GRID2: variants seen among roughly 807,000 people sequenced by gnomAD.
GRID2 encodes glutamate ionotropic receptor delta type subunit 2.
A neutral mutation model predicts 114.8 loss-of-function variants in GRID2; 33 were observed. The ratio of observed to expected loss-of-function variants is 0.29; its 90% CI spans 0.22 to 0.38. GRID2 has a LOEUF of 0.38. Ranked by LOEUF, GRID2 falls within the 10% of genes least tolerant of loss-of-function variation. The probability of loss-of-function intolerance (pLI) is 1.00; values close to 1 mark genes in which losing one functional copy is unlikely to be tolerated. For missense variants in GRID2, 1,184 were observed against 1,257.7 expected (o/e 0.94, Z 0.89); for synonymous variants, 505 against 449.9 (o/e 1.12, Z -1.55).
chr4:92,844,395 C>G (rs565735428), intron 2 of GRID2, among the ~76,000 whole-genome samples: 1 of 151,942 alleles, frequency 6.6e-6, no homozygotes, highest in South Asian at 2.1e-4. Context: ...AAAAAATTAG[C>G]CAAGCGTGGT....
chr4:92,536,780 G>A (rs1725657395), intron 1 of GRID2, among the ~76,000 whole-genome samples: 1 of 151,988 alleles, frequency 6.6e-6, no homozygotes, highest in Non-Finnish European at 1.5e-5. Flanking sequence ...GAAATGGATG[G>A]CAATAAATGC....
At chr4:92,847,613 T>C (rs1417489877) in intron 2 of GRID2, among the ~76,000 whole-genome samples, 1 of 152,060 alleles carries the variant, frequency 6.6e-6, no homozygotes, top group Non-Finnish European at 1.5e-5. Context: ...GTAATTTTAA[T>C]ATAGCTTTAT....
At chr4:92,675,551 AT>A (rs576488084) in intron 2 of GRID2, among the ~76,000 whole-genome samples, 171 of 132,966 alleles carry the variant, frequency 1.3e-3, no homozygotes, top group Middle Eastern at 7.9e-3. Flanking sequence ...TTGGGCTACA[AT>A]TTTTTTTTTT....
At chr4:93,717,824 G>A (rs1033389870) in intron 14 of GRID2, among the ~76,000 whole-genome samples, 6 of 152,264 alleles carry the variant, frequency 3.9e-5, no homozygotes, top group African/African-American at 1.4e-4. Context: ...CAGTTGAAGG[G>A]TTAAAACAAG....
chr4:93,267,381 G>A (rs542822192), intron 8 of GRID2, among the ~76,000 whole-genome samples: 6 of 152,122 alleles, frequency 3.9e-5, no homozygotes, highest in Admixed American at 6.5e-5. Context: ...GACAGTCCTC[G>A]GGCCTCTGGA....
chr4:93,541,724 C>T (rs1263067607), intron 13 of GRID2, among the ~76,000 whole-genome samples: 1 of 152,136 alleles, frequency 6.6e-6, no homozygotes, highest in Non-Finnish European at 1.5e-5. Context: ...TTGCTCTATA[C>T]AATGTGACAC....
chr4:92,832,703 CTT>C (rs374528127), intron 2 of GRID2, among the ~76,000 whole-genome samples: 1 of 152,186 alleles, frequency 6.6e-6, no homozygotes, highest in African/African-American at 2.4e-5. Flanking sequence ...CAGAGAATCT[CTT>C]GAACCCAGGA....
At chr4:92,910,268 T>A (rs989831410) in intron 2 of GRID2, among the ~76,000 whole-genome samples, 1 of 152,058 alleles carries the variant, frequency 6.6e-6, no homozygotes, top group South Asian at 2.1e-4. Context: ...GGGAAGATTT[T>A]ACAATTACAG....
At chr4:92,446,070 G>A (rs1430348092) in intron 1 of GRID2, among the ~76,000 whole-genome samples, 1 of 151,958 alleles carries the variant, frequency 6.6e-6, no homozygotes, top group Non-Finnish European at 1.5e-5. Flanking sequence ...CTCAAGCTCT[G>A]GAGTAGCTGG....
intron 1 of GRID2, among the ~76,000 whole-genome samples, chr4:92,346,979 T>C (rs1727798962): frequency 6.6e-6 from 1 of 152,208 alleles, no homozygotes; most frequent in Non-Finnish European, 1.5e-5. Flanking sequence ...AGGCTGAATG[T>C]TTCACATTTT....
chr4:93,123,985 T>C (rs552837063), intron 4 of GRID2, among the ~76,000 whole-genome samples: 110 of 148,368 alleles, frequency 7.4e-4, no homozygotes, highest in African/African-American at 2.3e-3. Flanking sequence ...AGGGATAGCA[T>C]TGGGAGATAT....
intron 14 of GRID2, among the ~76,000 whole-genome samples, chr4:93,747,493 A>G (rs1464459329): frequency 6.6e-6 from 1 of 152,118 alleles, no homozygotes. Flanking sequence ...CTCTAGCACC[A>G]TTTCAGTGCC....
intron 4 of GRID2, among the ~76,000 whole-genome samples, chr4:93,139,744 A>ACG (rs1735587054): frequency 6.6e-6 from 1 of 151,778 alleles, no homozygotes; most frequent in African/African-American, 2.4e-5. Context: ...AAACACACAC[A>ACG]CACACACACA....
intron 11 of GRID2, among the ~76,000 whole-genome samples, chr4:93,471,900 A>G (rs965434272): frequency 6.7e-6 from 1 of 149,014 alleles, no homozygotes; most frequent in Non-Finnish European, 1.5e-5. Flanking sequence ...GGGTTTCCCC[A>G]TGTTGGTCAG....
rs543518452 is a variant in GRID2 at position 92,609,672 on chromosome 4, C to T, written c.244+19386C>T. Reference sequence around the variant, plus strand: ...GATCACTATAATTTTTCTTTCTTCTCGTGACCACATTAGTACCTTATTTCC... The same window carrying T: ...GATCACTATAATTTTTCTTTCTTCTTGTGACCACATTAGTACCTTATTTCC... On this transcript the variant is annotated intron_variant, in intron 2 of 15. Transcript: ENST00000282020. 4.0e-5 allele frequency among the ~76,000 whole-genome samples: 6 copies of T among 151,012 alleles called. 1 individual carries two copies. In the South Asian group the frequency reaches 6.3e-4, roughly 16 times the overall value.
intron 4 of GRID2, among the ~76,000 whole-genome samples, chr4:93,180,200 A>T (rs11936792): frequency 0.074 from 11,285 of 151,952 alleles, 451 homozygotes; most frequent in East Asian, 0.14. Context: ...TATTTTGGAG[A>T]CATCACACGA....
intron 2 of GRID2, among the ~76,000 whole-genome samples, chr4:92,868,863 T>C (rs1299489898): frequency 6.6e-6 from 1 of 152,164 alleles, no homozygotes; most frequent in Non-Finnish European, 1.5e-5. Context: ...CAGAATATGT[T>C]TCTATTTATA....
chr4:93,748,106 A>G (rs1445254967), intron 14 of GRID2, among the ~76,000 whole-genome samples: 1 of 152,166 alleles, frequency 6.6e-6, no homozygotes, highest in African/African-American at 2.4e-5. Flanking sequence ...AGCATAGTTT[A>G]TATACTATCA....
chr4:92,774,138 C>A (rs992781327), intron 2 of GRID2, among the ~76,000 whole-genome samples: 3 of 152,016 alleles, frequency 2.0e-5, no homozygotes, highest in Admixed American at 6.6e-5. Flanking sequence ...CCAGCCAAGG[C>A]AGAAGGTGGA....
Sources: gnomAD v4.1 joint callset for allele counts (sites outside exome capture counted in the v4.1 genomes callset) on GRCh38, gnomAD v4.1.1 for gene constraint, MANE v1.5 for transcripts, NCBI Gene and HGNC (gene_info 2026-07-23, HGNC 2026-07-21) for gene names.